KIAA1549L: variants seen among roughly 807,000 people sequenced by gnomAD.
KIAA1549L encodes the protein UPF0606 protein KIAA1549L.
KIAA1549L carries 88 observed loss-of-function variants against 160.7 expected under a neutral mutation model. That is an observed-to-expected ratio of 0.55 (90% CI 0.46 to 0.65). The LOEUF (loss-of-function observed/expected upper bound fraction) is 0.65, where lower values mean the gene tolerates loss of function less well. Ranked by LOEUF, KIAA1549L falls within the 30% of genes least tolerant of loss-of-function variation. The pLI, the probability that KIAA1549L is intolerant of heterozygous loss-of-function variation, is 0.00. For missense variants in KIAA1549L, 2,258 were observed against 2,437.5 expected (o/e 0.93, Z 1.55); for synonymous variants, 950 against 976.7 (o/e 0.97, Z 0.51).
chr11:33,535,769 G>A (rs576485202), intron 1 of KIAA1549L, among the ~76,000 whole-genome samples: 1 of 152,072 alleles, frequency 6.6e-6, no homozygotes, highest in East Asian at 1.9e-4. Flanking sequence ...GAGATCATGG[G>A]GTCACATTAG....
At chr11:33,468,313 C>T (rs536234673) in intron 1 of KIAA1549L, among the ~76,000 whole-genome samples, 9 of 152,316 alleles carry the variant, frequency 5.9e-5, no homozygotes, top group Middle Eastern at 3.4e-3. Context: ...TAGCATTTGA[C>T]GCTCCAGAGC....
chr11:33,667,368 C>G (rs1323915919), intron 20 of KIAA1549L, among the ~76,000 whole-genome samples: 5 of 151,872 alleles, frequency 3.3e-5, no homozygotes, highest in Non-Finnish European at 7.4e-5. Flanking sequence ...TTCATCCAAA[C>G]AGTATATCTA....
At chr11:33,513,019 C>T (rs1853261769) in intron 1 of KIAA1549L, among the ~76,000 whole-genome samples, 1 of 152,010 alleles carries the variant, frequency 6.6e-6, no homozygotes, top group South Asian at 2.1e-4. Flanking sequence ...TAGCTTGGGT[C>T]CTCTCCCTTG....
intron 1 of KIAA1549L, among the ~76,000 whole-genome samples, chr11:33,526,231 G>A (rs572863996): frequency 6.6e-6 from 1 of 152,266 alleles, no homozygotes; most frequent in Admixed American, 6.5e-5. Flanking sequence ...AGCCATTACA[G>A]CAACTCATAA....
At chr11:33,599,356 G>GA (rs924903971) in intron 13 of KIAA1549L, 2 of 154,696 alleles carry the variant, frequency 1.3e-5, no homozygotes, top group Non-Finnish European at 2.9e-5. Flanking sequence ...GCTCATCTTG[G>GA]AGATTCCTCT....
chr11:33,470,371 C>T (rs565372535), intron 1 of KIAA1549L, among the ~76,000 whole-genome samples: 1 of 152,260 alleles, frequency 6.6e-6, no homozygotes, highest in South Asian at 2.1e-4. Flanking sequence ...ACATTGATCT[C>T]ATATGTCCAT....
In KIAA1549L at chr11:33,670,494, T is replaced by C. The variant is rs527672311; in HGVS notation, c.*2340T>C. The C allele has an allele frequency of 6.6e-6, 1 of 152,226 alleles. No homozygotes were observed. Among genetic ancestry groups the C allele is most frequent in the Non-Finnish European group, 1.5e-5 (1 of 68,044 alleles). The allele number at this position is 152,226 out of a possible 1,614,324, so 9.4% of individuals were successfully genotyped here. A position where few individuals can be genotyped will look rare whatever the true frequency, so the allele number is the denominator to read the frequency against. On this transcript the variant is annotated 3_prime_UTR_variant, in exon 21 of 21. Coordinates refer to ENST00000658780, the MANE Select transcript of KIAA1549L (RefSeq NM_012194.3). ...AGATAGCATGCTAAATCAGATACTGTCTTAAACTAGACACCATGGGTTCAA... is the reference window on the plus strand; with the variant it reads ...AGATAGCATGCTAAATCAGATACTGCCTTAAACTAGACACCATGGGTTCAA...
At chr11:33,524,706 T>G (rs898029267) in intron 1 of KIAA1549L, among the ~76,000 whole-genome samples, 1 of 152,208 alleles carries the variant, frequency 6.6e-6, no homozygotes, top group Non-Finnish European at 1.5e-5. Context: ...CTATATATAT[T>G]TATGTATCTG....
At chr11:33,595,243 T>G (rs951591418) in intron 12 of KIAA1549L, among the ~76,000 whole-genome samples, 50 of 152,328 alleles carry the variant, frequency 3.3e-4, no homozygotes, top group African/African-American at 1.2e-3. Flanking sequence ...TTTTTCTTTT[T>G]CGAGACAGAG....
chr11:33,435,961 T>TA (rs35891099), intron 1 of KIAA1549L, among the ~76,000 whole-genome samples: 43,549 of 115,856 alleles, frequency 0.38, 7,578 homozygotes, highest in East Asian at 0.5. Context: ...CTAAAATATC[T>TA]AAAAAAAAAA....
intron 8 of KIAA1549L, among the ~76,000 whole-genome samples, chr11:33,566,647 G>A (rs752588671): frequency 3.6e-4 from 55 of 152,156 alleles, no homozygotes; most frequent in Non-Finnish European, 7.1e-4. Context: ...TTTCTTTCTC[G>A]CTTGATCTAT....
At chr11:33,420,096 C>G (rs1423980059) in intron 1 of KIAA1549L, among the ~76,000 whole-genome samples, 2 of 152,146 alleles carry the variant, frequency 1.3e-5, no homozygotes, top group Non-Finnish European at 2.9e-5. Context: ...TCATCTGACA[C>G]TATTTGTGGT....
At chr11:33,662,169 A>G (rs1327389851) in intron 20 of KIAA1549L, among the ~76,000 whole-genome samples, 1 of 152,116 alleles carries the variant, frequency 6.6e-6, no homozygotes, top group Non-Finnish European at 1.5e-5. Context: ...TTGACCTTAT[A>G]TTGTGAAATA....
chr11:33,544,494 C>G (rs976084515), intron 2 of KIAA1549L, 158 bp downstream of exon 2: 1 of 818,710 alleles, frequency 1.2e-6, no homozygotes, highest in African/African-American at 1.7e-5. Context: ...CCCAAGTAGT[C>G]ACCTCATTGA....
intron 1 of KIAA1549L, among the ~76,000 whole-genome samples, chr11:33,391,575 C>A (rs927591901): frequency 6.6e-6 from 1 of 152,214 alleles, no homozygotes; most frequent in Non-Finnish European, 1.5e-5. Flanking sequence ...CTGATTGGCT[C>A]TTTTCATTTG....
chr11:33,521,026 G>A (rs186228824), intron 1 of KIAA1549L, among the ~76,000 whole-genome samples: 5 of 152,078 alleles, frequency 3.3e-5, no homozygotes, highest in Admixed American at 2.6e-4. Context: ...AATTCACTGG[G>A]CATGGTGGCA....
chr11:33,472,147 T>C (rs983725500), intron 1 of KIAA1549L, among the ~76,000 whole-genome samples: 1 of 152,104 alleles, frequency 6.6e-6, no homozygotes, highest in Non-Finnish European at 1.5e-5. Flanking sequence ...CTTCTTTTCT[T>C]TTCTTTCTTC....
chr11:33,598,800 G>A lies in KIAA1549L; in HGVS notation c.4752-20G>A, dbSNP rs1408212953. The stretch of plus-strand genomic sequence containing the variant: ...CTAGTTGAAACTTACCGTCTCCCCT[G>A]TTGCTATGGTTACCTCCAGCAGGTC... On this transcript the variant is annotated intron_variant, in intron 12 of 20. Transcript: ENST00000658780. 3 of 1,613,534 alleles carry A rather than the reference G, an allele frequency of 1.9e-6. No homozygotes were observed. The highest frequency in any genetic ancestry group is 2.5e-6 in the Non-Finnish European group (3 of 1,179,700).
At chr11:33,420,227 T>A (rs1054639290) in intron 1 of KIAA1549L, among the ~76,000 whole-genome samples, 1 of 72,268 alleles carries the variant, frequency 1.4e-5, no homozygotes, top group Non-Finnish European at 3.1e-5. Context: ...TCTCAAAGTT[T>A]TTTTTTTGTT....
Sources: allele counts gnomAD v4.1 joint callset (sites outside exome capture counted in the v4.1 genomes callset), GRCh38; gene constraint gnomAD v4.1.1; transcripts MANE v1.5; gene names NCBI Gene and HGNC (gene_info 2026-07-23, HGNC 2026-07-21).